Variants in TAF4B observed in about 807,000 individuals in gnomAD.
The protein encoded by TAF4B is transcription initiation factor TFIID subunit 4B.
A neutral mutation model predicts 86.4 loss-of-function variants in TAF4B; 38 were observed. The observed-to-expected ratio is 0.44, with a 90% confidence interval of 0.34 to 0.58. The LOEUF (loss-of-function observed/expected upper bound fraction) is 0.58. TAF4B is among the 20% of genes least tolerant of loss of function. TAF4B has a pLI of 0.02. For synonymous variants in TAF4B, 388 were observed against 391.2 expected, an observed-to-expected ratio of 0.99 and a Z score of 0.10; for missense variants, 988 against 1,027.6, an observed-to-expected ratio of 0.96 and a Z score of 0.53.
At chr18:26,313,860 A>G (rs2056876030) in intron 9 of TAF4B, among the ~76,000 whole-genome samples, 1 of 151,790 alleles carries the variant, frequency 6.6e-6, no homozygotes, top group Admixed American at 6.6e-5. Flanking sequence ...TAGAGGTGGT[A>G]TCTCCCTATG....
chr18:26,286,136 T>C lies in TAF4B; in HGVS notation c.1227T>C (p.Val409=). 2 of 1,614,216 alleles carry C rather than the reference T, an allele frequency of 1.2e-6. No homozygotes were observed. The highest frequency in any genetic ancestry group is 1.7e-6 in the Non-Finnish European group (2 of 1,180,010). ...LAGPVGAKAG[V]VTLHSVGPTA... ...GTCCAGTGGGAGCAAAAGCTGGAGT[T>C]GTGACACTTCATTCTGTGGGCCCAA... Residue 409 remains valine (V), a synonymous_variant, in exon 7 of 15, where the codon GTT becomes GTC. Coordinates refer to ENST00000269142, the MANE Select transcript of TAF4B (RefSeq NM_005640.3).
chr18:26,355,947 A>G (rs1475117140), intron 13 of TAF4B, among the ~76,000 whole-genome samples: 1 of 152,236 alleles, frequency 6.6e-6, no homozygotes, highest in Non-Finnish European at 1.5e-5. Context: ...CACACAGTTT[A>G]AAAGGATTTC....
chr18:26,267,830 T>A (rs916197670), intron 3 of TAF4B, among the ~76,000 whole-genome samples: 2 of 152,212 alleles, frequency 1.3e-5, no homozygotes, highest in African/African-American at 4.8e-5. Flanking sequence ...CCAGTTTTAC[T>A]TCAGTGTATT....
At chr18:26,261,376 A>G (rs935423347) in intron 1 of TAF4B, among the ~76,000 whole-genome samples, 2 of 150,950 alleles carry the variant, frequency 1.3e-5, no homozygotes, top group Non-Finnish European at 3.0e-5. Flanking sequence ...AATTTTTTGT[A>G]TTTTTAGTAG....
intron 13 of TAF4B, among the ~76,000 whole-genome samples, chr18:26,345,620 T>C (rs1044143749): frequency 3.3e-5 from 5 of 152,238 alleles, no homozygotes; most frequent in Admixed American, 2.0e-4. Flanking sequence ...ACTACACTAC[T>C]GTGTCCACCT....
At chr18:26,265,865 T>C (rs1274012800) in intron 2 of TAF4B, 1 of 152,244 alleles carries the variant, frequency 6.6e-6, no homozygotes, top group Non-Finnish European at 1.5e-5. Flanking sequence ...TATTTGCATC[T>C]TAAATGGAAA....
intron 9 of TAF4B, among the ~76,000 whole-genome samples, chr18:26,308,819 C>G (rs185495789): frequency 8.4e-4 from 124 of 147,656 alleles, no homozygotes; most frequent in Non-Finnish European, 1.6e-3. Context: ...ATGCAGTGAG[C>G]CGAGACTGTG....
At chr18:26,231,096 A>G (rs149609480) in intron 1 of TAF4B, among the ~76,000 whole-genome samples, 1,359 of 130,458 alleles carry the variant, frequency 0.01, 25 homozygotes, top group African/African-American at 0.038. Flanking sequence ...CTGGAGTGCA[A>G]TGGTGCAATC....
intron 6 of TAF4B, among the ~76,000 whole-genome samples, chr18:26,284,362 T>G (rs1243171792): frequency 1.3e-5 from 2 of 152,228 alleles, no homozygotes; most frequent in Non-Finnish European, 2.9e-5. Context: ...ACTGTTTCGT[T>G]TTCTTATCAT....
chr18:26,317,722 G>C (rs564939361), intron 10 of TAF4B, among the ~76,000 whole-genome samples: 1 of 152,308 alleles, frequency 6.6e-6, no homozygotes, highest in South Asian at 2.1e-4. Context: ...TATTCAGACA[G>C]CCATCTTCTT....
chr18:26,263,042 T>C (rs955587247), intron 1 of TAF4B, among the ~76,000 whole-genome samples: 1 of 152,200 alleles, frequency 6.6e-6, no homozygotes, highest in East Asian at 1.9e-4. Flanking sequence ...CCTTGAACTT[T>C]TGGGCTCAAG....
chr18:26,255,516 T>G (rs2056068904), intron 1 of TAF4B, among the ~76,000 whole-genome samples: 1 of 145,802 alleles, frequency 6.9e-6, no homozygotes, highest in Non-Finnish European at 1.5e-5. Context: ...GGCAGGAGAA[T>G]CACTTGAACC....
At chr18:26,239,869 G>C (rs2055810261) in intron 1 of TAF4B, among the ~76,000 whole-genome samples, 1 of 152,096 alleles carries the variant, frequency 6.6e-6, no homozygotes, top group South Asian at 2.1e-4. Flanking sequence ...TCTTGTTTTT[G>C]TCAGGTTTGT....
chr18:26,263,173 C>G (rs2056193946), intron 1 of TAF4B, among the ~76,000 whole-genome samples: 1 of 152,110 alleles, frequency 6.6e-6, no homozygotes, highest in Non-Finnish European at 1.5e-5. Context: ...AGGGTAGTCT[C>G]AAACCCCAGG....
At chr18:26,233,954 G>C (rs1196296742) in intron 1 of TAF4B, among the ~76,000 whole-genome samples, 1 of 152,122 alleles carries the variant, frequency 6.6e-6, no homozygotes, top group Non-Finnish European at 1.5e-5. Context: ...GAGGAGATTT[G>C]GCCCTGTAAA....
intron 7 of TAF4B, among the ~76,000 whole-genome samples, chr18:26,288,429 G>A (rs1223506839): frequency 6.6e-6 from 1 of 152,144 alleles, no homozygotes. Context: ...GAGGTCAGGA[G>A]TTTGAGACCA....
chr18:26,380,886 C>A (rs1471725807), intron 14 of TAF4B, among the ~76,000 whole-genome samples: 3 of 151,984 alleles, frequency 2.0e-5, no homozygotes, highest in Non-Finnish European at 4.4e-5. Context: ...TTAAGTCCAT[C>A]ATCTTGCTGT....
At chr18:26,247,212 T>C (rs2055939688) in intron 1 of TAF4B, among the ~76,000 whole-genome samples, 1 of 152,218 alleles carries the variant, frequency 6.6e-6, no homozygotes, top group Non-Finnish European at 1.5e-5. Context: ...ATACGGTTAA[T>C]ACCTTCTGAA....
At chr18:26,308,453 G>T (rs976137804) in intron 9 of TAF4B, among the ~76,000 whole-genome samples, 14 of 152,036 alleles carry the variant, frequency 9.2e-5, no homozygotes, top group African/African-American at 3.4e-4. Context: ...TGAAGTGAAG[G>T]TTGAAGTTAT....
Sources: gnomAD v4.1 joint callset for allele counts (sites outside exome capture counted in the v4.1 genomes callset) on GRCh38, gnomAD v4.1.1 for gene constraint, MANE v1.5 for transcripts, NCBI Gene and HGNC (gene_info 2026-07-23, HGNC 2026-07-21) for gene names.